The following RXFP1 variants were observed in gnomAD, a reference collection of about 807,000 sequenced individuals.
RXFP1 encodes relaxin family peptide receptor 1, also known as relaxin receptor 1.
Under a neutral mutation model 89.8 loss-of-function variants are expected in RXFP1, and 73 were observed. That is an observed-to-expected ratio of 0.81 (90% CI 0.67 to 0.99). The LOEUF is 0.99. RXFP1 is among the 50% of genes least tolerant of loss of function. RXFP1 has a pLI of 0.00. For missense variants in RXFP1, 793 were observed against 895.5 expected, an observed-to-expected ratio of 0.89 and a Z score of 1.46; for synonymous variants, 277 against 305.5, an observed-to-expected ratio of 0.91 and a Z score of 0.97.
chr4:158,629,849 T>G (rs971016726), intron 11 of RXFP1, among the ~76,000 whole-genome samples: 6 of 151,996 alleles, frequency 3.9e-5, no homozygotes, highest in African/African-American at 1.4e-4. Context: ...GGCCTAGAAC[T>G]CCTGGCCTTA....
chr4:158,649,283 A>T (rs1027396637), intron 17 of RXFP1, among the ~76,000 whole-genome samples: 2 of 152,216 alleles, frequency 1.3e-5, no homozygotes, highest in African/African-American at 4.8e-5. Flanking sequence ...TTGAAATTCT[A>T]ATCATCACAT....
chr4:158,550,427 C>T lies in RXFP1; in HGVS notation c.50-22271C>T, dbSNP rs1050526126. Reference sequence around the variant, plus strand: ...TGTGAGGCAATGCCTCGCCCTGCTTCGGCTCACACCTGGTGCGCTGCACCC... The same window carrying T: ...TGTGAGGCAATGCCTCGCCCTGCTTTGGCTCACACCTGGTGCGCTGCACCC... On this transcript the variant is annotated intron_variant, in intron 1 of 17. Transcript: ENST00000307765. Among the ~76,000 whole-genome samples, 18 of 152,240 alleles carry T rather than the reference C, an allele frequency of 1.2e-4. 1 individual carries two copies. The highest frequency in any genetic ancestry group is 7.9e-4 in the Admixed American group (12 of 15,286).
chr4:158,527,940 A>G (rs1391429794), intron 1 of RXFP1, among the ~76,000 whole-genome samples: 2 of 152,194 alleles, frequency 1.3e-5, no homozygotes, highest in African/African-American at 4.8e-5. Context: ...GGCAAGAAAT[A>G]TCAAAAGGGT....
Position 158,652,186 on chromosome 4 carries a change from G to A in RXFP1, c.*131G>A. 4 of 728,616 alleles carry A rather than the reference G, an allele frequency of 5.5e-6. No individual in the cohort carries two copies. Among genetic ancestry groups the A allele is most frequent in the South Asian group, 2.8e-5 (1 of 36,144 alleles). The allele number at this position is 728,616 out of a possible 1,614,324, so 45.1% of individuals were successfully genotyped here. A position where few individuals can be genotyped will look rare whatever the true frequency, so the allele number is the denominator to read the frequency against. ...AGATAAATATTTTACAAGGACATGA[G>A]GAAAAATAAAAATGACTAATGCTCT... On this transcript the variant is annotated 3_prime_UTR_variant, in exon 18 of 18. Coordinates refer to ENST00000307765, the MANE Select transcript of RXFP1 (RefSeq NM_021634.4).
At position 158,633,838 on chromosome 4, in the gene RXFP1, A is replaced by C. The variant is rs181949894; in HGVS notation, c.971+362A>C. ...ACTTAGCATACTGTCTTCAAGTTTC[A>C]TTTCTGTTGTAGCAGAAATGAATTT... On this transcript the variant is annotated intron_variant, in intron 12 of 17. Transcript: ENST00000307765. Among the ~76,000 whole-genome samples, 276 of 152,256 alleles carry C rather than the reference A, an allele frequency of 1.8e-3. 3 individuals carry two copies. Among genetic ancestry groups the C allele is most frequent in the Non-Finnish European group, 3.2e-4 (22 of 68,020 alleles).
chr4:158,568,450 C>T (rs961484469), intron 1 of RXFP1, among the ~76,000 whole-genome samples: 3 of 152,182 alleles, frequency 2.0e-5, no homozygotes, highest in African/African-American at 7.2e-5. Flanking sequence ...GTAGCTGTAG[C>T]TGGAGGCTAA....
intron 1 of RXFP1, among the ~76,000 whole-genome samples, chr4:158,549,538 A>G (rs1238004546): frequency 6.6e-6 from 1 of 151,842 alleles, no homozygotes; most frequent in African/African-American, 2.4e-5. Flanking sequence ...TGCTTTTTAG[A>G]GTTTCCAGTT....
In RXFP1 at chr4:158,652,084, G is replaced by C. The variant is rs778802888; in HGVS notation, c.*29G>C. 2 of 1,571,052 alleles carry C rather than the reference G, an allele frequency of 1.3e-6. No individual in the cohort carries two copies. The highest frequency in any genetic ancestry group is 1.8e-5 in the Admixed American group (1 of 56,130). On this transcript the variant is annotated 3_prime_UTR_variant, in exon 18 of 18. Coordinates refer to ENST00000307765, the MANE Select transcript of RXFP1 (RefSeq NM_021634.4). The stretch of plus-strand genomic sequence containing the variant: ...ACTCTGAAATTCATTTCTTCGCAGA[G>C]AATACTGTGGGGGTGCTTCATGAGG...
intron 16 of RXFP1, among the ~76,000 whole-genome samples, chr4:158,647,989 C>T (rs1249359494): frequency 2.0e-5 from 3 of 146,578 alleles, no homozygotes; most frequent in Non-Finnish European, 4.5e-5. Flanking sequence ...CACTCCAGCC[C>T]GAGCAACACA....
chr4:158,609,776 T>C (rs1229551299), intron 6 of RXFP1, among the ~76,000 whole-genome samples: 1 of 152,220 alleles, frequency 6.6e-6, no homozygotes, highest in East Asian at 1.9e-4. Flanking sequence ...AGAATCAATA[T>C]TGGACTCACT....
chr4:158,607,476 TCA>T (rs1762736091), intron 5 of RXFP1, among the ~76,000 whole-genome samples: 1 of 152,238 alleles, frequency 6.6e-6, no homozygotes, highest in South Asian at 2.1e-4. Context: ...ATTAAAAACA[TCA>T]TACACTTTTA....
At chr4:158,524,941 G>A (rs1579314654) in intron 1 of RXFP1, among the ~76,000 whole-genome samples, 1 of 152,242 alleles carries the variant, frequency 6.6e-6, no homozygotes, top group East Asian at 1.9e-4. Context: ...CCAAGGACCG[G>A]CCCAGCTTAG....
At chr4:158,605,518 T>G (rs1283689675) in intron 5 of RXFP1, among the ~76,000 whole-genome samples, 2 of 152,220 alleles carry the variant, frequency 1.3e-5, no homozygotes, top group African/African-American at 2.4e-5. Context: ...ATGAAGAAAG[T>G]GAAGAATTTT....
At chr4:158,548,781 C>G (rs1749253496) in intron 1 of RXFP1, among the ~76,000 whole-genome samples, 1 of 152,212 alleles carries the variant, frequency 6.6e-6, no homozygotes, top group Admixed American at 6.5e-5. Flanking sequence ...GATTGGCCCC[C>G]ACTCTCTTCT....
Position 158,606,005 on chromosome 4 carries a change from C to T in RXFP1, c.464+866C>T, listed in dbSNP as rs1212940952. Reference sequence around the variant, plus strand: ...TTCCTTCAGTGAAATGTTCTAAAAACCCAGATAGTCTGCAGAAGTATCTAT... The same window carrying T: ...TTCCTTCAGTGAAATGTTCTAAAAATCCAGATAGTCTGCAGAAGTATCTAT... On this transcript the variant is annotated intron_variant, in intron 5 of 17. Transcript: ENST00000307765. Among the ~76,000 whole-genome samples the T allele has an allele frequency of 2.0e-5, 3 of 152,232 alleles. No homozygotes were observed. In the East Asian group the frequency reaches 5.8e-4, roughly 29 times the overall value.
chr4:158,643,398 A>C (rs1351624834), intron 14 of RXFP1, among the ~76,000 whole-genome samples: 2 of 151,460 alleles, frequency 1.3e-5, no homozygotes, highest in Non-Finnish European at 2.9e-5. Context: ...GGGGGTGCAG[A>C]TATCTCTTTG....
rs1741266172 is a variant in RXFP1 at position 158,521,941 on chromosome 4, C to T, written c.-36C>T. On this transcript the variant is annotated 5_prime_UTR_variant, in exon 1 of 18. Coordinates refer to ENST00000307765, the MANE Select transcript of RXFP1 (RefSeq NM_021634.4). ...ATTCAGAAACCAAGACCAAATTTTG[C>T]TCACTTTCATTAATCAGTTGCTCAG... 6.4e-7 allele frequency: 1 copy of T among 1,562,750 alleles called. No individual in the cohort carries two copies. The highest frequency in any genetic ancestry group is 1.7e-5 in the Admixed American group (1 of 58,056).
intron 1 of RXFP1, among the ~76,000 whole-genome samples, chr4:158,556,548 A>G (rs1751351778): frequency 1.3e-5 from 2 of 152,318 alleles, no homozygotes; most frequent in South Asian, 4.1e-4. Flanking sequence ...TGATCCAGCA[A>G]TCCTACTCCT....
At chr4:158,620,583 A>C (rs1051068980) in intron 9 of RXFP1, among the ~76,000 whole-genome samples, 1 of 152,190 alleles carries the variant, frequency 6.6e-6, no homozygotes, top group Non-Finnish European at 1.5e-5. Flanking sequence ...ATACACTGTA[A>C]AACAAAGACA....
Sources: allele counts gnomAD v4.1 joint callset (sites outside exome capture counted in the v4.1 genomes callset), GRCh38; gene constraint gnomAD v4.1.1; transcripts MANE v1.5; gene names NCBI Gene and HGNC (gene_info 2026-07-23, HGNC 2026-07-21).